ATP9B: variants seen among roughly 807,000 people sequenced by gnomAD.
The protein encoded by ATP9B is ATPase phospholipid transporting 9B, also known as probable phospholipid-transporting ATPase IIB.
Under a neutral mutation model 146.1 loss-of-function variants are expected in ATP9B, and 110 were observed. That is an observed-to-expected ratio of 0.75 (90% confidence interval 0.65 to 0.88). ATP9B has a LOEUF of 0.88. Among genes scored for constraint, ATP9B ranks in the 40% least tolerant of loss-of-function variants. The pLI is 0.00. For missense variants in ATP9B, 1,499 were observed against 1,496.4 expected (o/e 1.00, Z -0.03); for synonymous variants, 604 against 569.7 (o/e 1.06, Z -0.86).
chr18:79,258,650 G>C (rs565164573), intron 12 of ATP9B, among the ~76,000 whole-genome samples: 2 of 152,262 alleles, frequency 1.3e-5, no homozygotes, highest in African/African-American at 2.4e-5. Flanking sequence ...GCTTTCTGCG[G>C]GTCTCTCTTG....
intron 11 of ATP9B, among the ~76,000 whole-genome samples, chr18:79,241,035 T>C (rs2144699370): frequency 6.6e-6 from 1 of 152,266 alleles, no homozygotes; most frequent in Admixed American, 6.5e-5. Flanking sequence ...CACTTGTTAA[T>C]TGTAAAGGGC....
intron 13 of ATP9B, among the ~76,000 whole-genome samples, chr18:79,286,070 CT>C (rs1174848856): frequency 6.6e-6 from 1 of 151,442 alleles, no homozygotes; most frequent in African/African-American, 2.4e-5. Context: ...CAGCTTTGTT[CT>C]TTTGGCTTAG....
chr18:79,141,512 A>G (rs1268291011), intron 5 of ATP9B, among the ~76,000 whole-genome samples: 2 of 152,210 alleles, frequency 1.3e-5, no homozygotes, highest in African/African-American at 4.8e-5. Context: ...AGAAAAAAAT[A>G]TGTCATTAGA....
chr18:79,372,329 T>A (rs898229677), intron 26 of ATP9B: 1 of 288,548 alleles, frequency 3.5e-6, no homozygotes, highest in Non-Finnish European at 7.0e-6. Context: ...GGGTTATGTA[T>A]GTGACATGTT....
intron 10 of ATP9B, among the ~76,000 whole-genome samples, chr18:79,212,607 CAG>C (rs550200487): frequency 1.2e-3 from 183 of 152,238 alleles, no homozygotes; most frequent in South Asian, 2.1e-3. Flanking sequence ...ATTGGCAAAA[CAG>C]AAAATACTGA....
intron 6 of ATP9B, 78 bp downstream of exon 6, chr18:79,143,938 A>G: frequency 3.6e-6 from 3 of 844,850 alleles, no homozygotes; most frequent in Non-Finnish European, 5.4e-6. Flanking sequence ...TAACTTCTGA[A>G]TTTGAAAGAA....
chr18:79,124,008 A>T (rs1207468991), intron 4 of ATP9B, among the ~76,000 whole-genome samples: 2 of 152,224 alleles, frequency 1.3e-5, no homozygotes, highest in African/African-American at 4.8e-5. Context: ...GGCAGACAGT[A>T]ACAAGTGTTG....
At chr18:79,174,186 T>A in intron 7 of ATP9B, 1 of 434,930 alleles carries the variant, frequency 2.3e-6, no homozygotes, top group Non-Finnish European at 4.6e-6. Context: ...ATTCATTTTC[T>A]GTTTTTTAAA....
Position 79,374,711 on chromosome 18 carries a change from A to T in ATP9B, c.3274+610A>T, listed in dbSNP as rs542652551. Among the ~76,000 whole-genome samples the T allele has an allele frequency of 1.1e-4, 16 of 152,374 alleles. No homozygotes were observed. In the East Asian group the frequency reaches 3.1e-3, roughly 29 times the overall value. On this transcript the variant is annotated intron_variant, in intron 28 of 29. Coordinates refer to ENST00000426216, the MANE Select transcript of ATP9B (RefSeq NM_198531.5). ...GAACCTGTACGTAGGAAAATGTGAA[A>T]TGTTCCTGTTCTTACATAAAAGAAC... is the stretch of plus-strand genomic sequence containing the variant.
intron 17 of ATP9B, 28 bp from the exon 18 acceptor site, chr18:79,336,600 A>G: frequency 6.2e-7 from 1 of 1,609,802 alleles, no homozygotes; most frequent in Middle Eastern, 1.7e-4. Flanking sequence ...TGCAGGGCCC[A>G]CCTGTGACTC....
chr18:79,350,129 C>T (rs2096914760), intron 25 of ATP9B, among the ~76,000 whole-genome samples: 1 of 152,216 alleles, frequency 6.6e-6, no homozygotes, highest in Admixed American at 6.5e-5. Context: ...CTGTGGGGCT[C>T]ACAGCTACCA....
intron 13 of ATP9B, among the ~76,000 whole-genome samples, chr18:79,296,570 G>T (rs561174621): frequency 6.6e-6 from 1 of 152,062 alleles, no homozygotes; most frequent in South Asian, 2.1e-4. Context: ...GGTATCTTCC[G>T]GATTTTTATA....
intron 19 of ATP9B, among the ~76,000 whole-genome samples, chr18:79,337,909 C>T (rs1338971900): frequency 6.6e-6 from 1 of 152,224 alleles, no homozygotes; most frequent in Non-Finnish European, 1.5e-5. Flanking sequence ...AAGGCTGGGC[C>T]ACTGTGTTCT....
intron 5 of ATP9B, among the ~76,000 whole-genome samples, chr18:79,126,869 C>CTTG (rs1406585179): frequency 6.6e-6 from 1 of 152,168 alleles, no homozygotes; most frequent in Non-Finnish European, 1.5e-5. Context: ...CATTCAGGGC[C>CTTG]TTAACTCTTG....
At chr18:79,082,612 T>C (rs2073384045) in intron 1 of ATP9B, among the ~76,000 whole-genome samples, 1 of 152,246 alleles carries the variant, frequency 6.6e-6, no homozygotes, top group South Asian at 2.1e-4. Flanking sequence ...TTTTTGTTGA[T>C]GTTGATGCAG....
chr18:79,327,952 AGC>A (rs2096767643), intron 15 of ATP9B, among the ~76,000 whole-genome samples: 1 of 124,636 alleles, frequency 8.0e-6, no homozygotes, highest in East Asian at 2.5e-4. Flanking sequence ...CTCCGTGGTT[AGC>A]GTGCTCTCCG....
intron 9 of ATP9B, among the ~76,000 whole-genome samples, chr18:79,195,739 G>A (rs912117895): frequency 3.3e-5 from 5 of 152,158 alleles, no homozygotes; most frequent in African/African-American, 4.8e-5. Context: ...AGGGAGGACC[G>A]AATCACAGCG....
At chr18:79,225,387 A>G (rs987327602) in intron 11 of ATP9B, among the ~76,000 whole-genome samples, 3 of 152,262 alleles carry the variant, frequency 2.0e-5, no homozygotes, top group Non-Finnish European at 4.4e-5. Context: ...TTTAAAATAT[A>G]TCATCTAAGA....
At chr18:79,212,534 G>A (rs2095593910) in intron 10 of ATP9B, among the ~76,000 whole-genome samples, 1 of 152,112 alleles carries the variant, frequency 6.6e-6, no homozygotes, top group South Asian at 2.1e-4. Context: ...TTTGCAGTTT[G>A]CCTTCTTACA....
Sources: allele counts gnomAD v4.1 joint callset (sites outside exome capture counted in the v4.1 genomes callset), GRCh38; gene constraint gnomAD v4.1.1; transcripts MANE v1.5; gene names NCBI Gene and HGNC (gene_info 2026-07-23, HGNC 2026-07-21).